Variants in AKR1C8 observed in about 807,000 individuals in gnomAD.
AKR1C8 encodes the protein aldo-keto reductase family 1 member C8.
chr10:5,140,672 A>G, the AKR1C8 span, among the ~76,000 whole-genome samples: 1 of 152,114 alleles, frequency 6.6e-6, no homozygotes, highest in Non-Finnish European at 1.5e-5. Flanking sequence ...GGGGAGGGAT[A>G]GCATTAGGAG....
At chr10:5,145,457 G>A in the AKR1C8 span, among the ~76,000 whole-genome samples, 1 of 151,820 alleles carries the variant, frequency 6.6e-6, no homozygotes, top group African/African-American at 2.4e-5. Flanking sequence ...TCTGATAAAG[G>A]GCTAATATCC....
the AKR1C8 span, among the ~76,000 whole-genome samples, chr10:5,181,986 T>C: frequency 6.6e-6 from 1 of 152,132 alleles, no homozygotes; most frequent in Non-Finnish European, 1.5e-5. Flanking sequence ...GTTAACAAAA[T>C]AGACTAATAG....
chr10:5,161,412 C>A, the AKR1C8 span, among the ~76,000 whole-genome samples: 1 of 152,208 alleles, frequency 6.6e-6, no homozygotes, highest in Non-Finnish European at 1.5e-5. Context: ...GTGCCACATG[C>A]ACCATCCCAG....
the AKR1C8 span, among the ~76,000 whole-genome samples, chr10:5,167,058 G>C: frequency 6.6e-6 from 1 of 152,168 alleles, no homozygotes; most frequent in South Asian, 2.1e-4. Context: ...GGTCATCAGA[G>C]AAATACAAAT....
At chr10:5,164,665 G>A in the AKR1C8 span, among the ~76,000 whole-genome samples, 186 of 152,182 alleles carry the variant, frequency 1.2e-3, 1 homozygote, top group African/African-American at 2.7e-3. Flanking sequence ...AGAGGACTTC[G>A]TCAATGCCCA....
At chr10:5,130,915 G>A in the AKR1C8 span, among the ~76,000 whole-genome samples, 1 of 151,994 alleles carries the variant, frequency 6.6e-6, no homozygotes, top group African/African-American at 2.4e-5. Context: ...GAAGAAATCT[G>A]GAGGCAGTAC....
the AKR1C8 span, among the ~76,000 whole-genome samples, chr10:5,132,925 C>T: frequency 6.6e-6 from 1 of 152,228 alleles, no homozygotes; most frequent in South Asian, 2.1e-4. Flanking sequence ...TTTAGTCTTT[C>T]CTGCTTAGTA....
chr10:5,166,202 G>A, the AKR1C8 span, among the ~76,000 whole-genome samples: 6 of 151,298 alleles, frequency 4.0e-5, no homozygotes, highest in African/African-American at 1.5e-4. Context: ...AAAAAAAATG[G>A]CCATACTGCC....
the AKR1C8 span, among the ~76,000 whole-genome samples, chr10:5,144,952 T>C: frequency 6.6e-6 from 1 of 151,654 alleles, no homozygotes; most frequent in Non-Finnish European, 1.5e-5. Flanking sequence ...TTGTGCCAGT[T>C]TTCAAAGGGA....
At chr10:5,151,109 G>C in the AKR1C8 span, among the ~76,000 whole-genome samples, 1 of 152,018 alleles carries the variant, frequency 6.6e-6, no homozygotes, top group Non-Finnish European at 1.5e-5. Flanking sequence ...CATGGGTGGG[G>C]GGCACAAGAC....
chr10:5,177,109 T>C, the AKR1C8 span, among the ~76,000 whole-genome samples: 1 of 152,176 alleles, frequency 6.6e-6, no homozygotes, highest in Admixed American at 6.5e-5. Context: ...ATATTAGCTG[T>C]GGGTTTGTCA....
chr10:5,175,579 G>T, the AKR1C8 span, among the ~76,000 whole-genome samples: 13 of 152,054 alleles, frequency 8.5e-5, no homozygotes, highest in South Asian at 8.3e-4. Context: ...TGAACTAGTT[G>T]ACAGTCCCAC....
the AKR1C8 span, chr10:5,161,600 G>A: frequency 1.7e-5 from 8 of 477,620 alleles, no homozygotes; most frequent in Admixed American, 1.3e-4. Flanking sequence ...GCCCTCAACT[G>A]TCTAGGGTAG....
the AKR1C8 span, among the ~76,000 whole-genome samples, chr10:5,175,475 C>A: frequency 3.3e-5 from 5 of 152,132 alleles, no homozygotes; most frequent in Non-Finnish European, 5.9e-5. Flanking sequence ...ATTTATAGTC[C>A]TTTGGGTATA....
At chr10:5,132,798 G>A in the AKR1C8 span, 1 of 984,792 alleles carries the variant, frequency 1.0e-6, no homozygotes, top group Non-Finnish European at 1.5e-6. Context: ...GTAGTATTTG[G>A]TGATCAATGT....
the AKR1C8 span, among the ~76,000 whole-genome samples, chr10:5,151,556 G>GTTT: frequency 9.8e-6 from 1 of 102,290 alleles, no homozygotes; most frequent in East Asian, 2.1e-4. Context: ...CTTCCCTTTG[G>GTTT]GTTTTTTTTT....
At chr10:5,121,778 C>T in the AKR1C8 span, among the ~76,000 whole-genome samples, 3 of 152,250 alleles carry the variant, frequency 2.0e-5, no homozygotes, top group East Asian at 1.9e-4. Flanking sequence ...TAAATTAAGA[C>T]AGCCCTGTGC....
the AKR1C8 span, among the ~76,000 whole-genome samples, chr10:5,140,954 A>T: frequency 2.6e-5 from 4 of 152,270 alleles, no homozygotes; most frequent in East Asian, 7.7e-4. Flanking sequence ...TACAACAATG[A>T]AATTTGCCTC....
the AKR1C8 span, among the ~76,000 whole-genome samples, chr10:5,145,311 A>G: frequency 2.6e-5 from 4 of 152,214 alleles, no homozygotes; most frequent in African/African-American, 9.6e-5. Flanking sequence ...CTAAAACACC[A>G]AAAGCAATGG....
Sources: allele counts gnomAD v4.1 joint callset (sites outside exome capture counted in the v4.1 genomes callset), GRCh38; gene constraint gnomAD v4.1.1; transcripts MANE v1.5; gene names NCBI Gene and HGNC (gene_info 2026-07-23, HGNC 2026-07-21).